The following DNAH1 variants were observed in gnomAD, a reference collection of about 807,000 sequenced individuals.
The protein encoded by DNAH1 is axonemal beta dynein heavy chain 1.
Under a neutral mutation model 484.3 loss-of-function variants are expected in DNAH1, and 327 were observed. The ratio of observed to expected loss-of-function variants is 0.68; its 90% CI spans 0.62 to 0.74. The LOEUF is 0.74. DNAH1 is among the 30% of genes least tolerant of loss of function. The pLI, the probability that DNAH1 is intolerant of heterozygous loss-of-function variation, is 0.00. For missense variants in DNAH1, 5,052 were observed against 5,546.8 expected, an observed-to-expected ratio of 0.91 and a Z score of 2.83; for synonymous variants, 2,192 against 2,191.9, an observed-to-expected ratio of 1.00 and a Z score of 0.00.
chr3:52,312,992 T>C (rs1389420086), upstream of DNAH1, among the ~76,000 whole-genome samples: 3 of 152,168 alleles, frequency 2.0e-5, no homozygotes, highest in Non-Finnish European at 2.9e-5. Context: ...TTTCACCATG[T>C]TGCCCACTGG....
chr3:52,357,864 A>T, intron 23 of DNAH1, 34 bp from the exon 24 acceptor site: 1 of 1,601,542 alleles, frequency 6.2e-7, no homozygotes, highest in Non-Finnish European at 8.5e-7. Context: ...GGGAGCCTGC[A>T]CGACCCGCTT....
chr3:52,395,198 C>A lies in DNAH1; in HGVS notation c.10969-110C>A. On this transcript the variant is annotated intron_variant, in intron 68 of 77. Transcript: ENST00000420323. The surrounding 1 kb of genome is among the most constrained non-coding windows in gnomAD (Gnocchi z 4.4). ...TCCCTAAAGGCTCTGAGGTTCCAGC[C>A]CCCACCAGGAAGCCCACTGGGGACC... The A allele has an allele frequency of 8.0e-6, 12 of 1,491,814 alleles. No individual in the cohort carries two copies. The South Asian group carries it at 1.3e-4, about 16-fold the overall frequency. The allele number at this position is 1,491,814 out of a possible 1,614,324, so 92.4% of individuals were successfully genotyped here. A position where few individuals can be genotyped will look rare whatever the true frequency, so the allele number is the denominator to read the frequency against.
intron 3 of DNAH1, 113 bp from the exon 4 acceptor site, chr3:52,326,027 C>T (rs1247281367): frequency 1.8e-6 from 2 of 1,111,318 alleles, no homozygotes; most frequent in Non-Finnish European, 1.2e-6. Flanking sequence ...AAGCTTTGAG[C>T]TTCCCACACT....
chr3:52,329,194 GC>G, intron 6 of DNAH1, among the ~76,000 whole-genome samples: 1 of 152,296 alleles, frequency 6.6e-6, no homozygotes. Flanking sequence ...CCATCGAGGT[GC>G]TCTGCTTACA....
chr3:52,346,913 T>TC, intron 11 of DNAH1, 143 bp downstream of exon 11: 1 of 867,430 alleles, frequency 1.2e-6, no homozygotes. Context: ...CCCTGCAGGC[T>TC]GCTGGGCAAT....
rs539398570 is a variant in DNAH1 at position 52,381,074 on chromosome 3, G to T, written c.7609-566G>T. On this transcript the variant is annotated intron_variant, in intron 48 of 77. Transcript: ENST00000420323. The surrounding 1 kb of genome is among the most constrained non-coding windows in gnomAD (Gnocchi z 4.1). ...GTTTAACAATATGCTTGATCCCCCC[G>T]TGGGTTTTATTTTTGCTTTTGTTTT... 3.9e-5 allele frequency among the ~76,000 whole-genome samples: 6 copies of T among 152,052 alleles called. No homozygotes were observed. Among genetic ancestry groups the T allele is most frequent in the African/African-American group, 1.4e-4 (6 of 41,404 alleles).
chr3:52,380,995 T>G (rs990838334), intron 48 of DNAH1, among the ~76,000 whole-genome samples: 1 of 152,264 alleles, frequency 6.6e-6, no homozygotes. Flanking sequence ...ATATGAGTTA[T>G]GGAGTTCACA....
intron 48 of DNAH1, among the ~76,000 whole-genome samples, chr3:52,380,565 A>C (rs2153225114): frequency 6.6e-6 from 1 of 152,334 alleles, no homozygotes; most frequent in African/African-American, 2.4e-5. Flanking sequence ...CCAGGGTCAC[A>C]GGGTCAGCAC....
intron 45 of DNAH1, among the ~76,000 whole-genome samples, chr3:52,375,712 A>C (rs1016086820): frequency 5.3e-5 from 8 of 152,138 alleles, no homozygotes; most frequent in Non-Finnish European, 7.4e-5. Context: ...ACAGATATGC[A>C]CTCACTCACA....
At chr3:52,311,748 G>A (rs899025445), upstream of DNAH1, among the ~76,000 whole-genome samples, 1 of 152,306 alleles carries the variant, frequency 6.6e-6, no homozygotes, top group South Asian at 2.1e-4. Flanking sequence ...ATGGCAACCT[G>A]GTGGGGTTGC....
rs1394708231 is a variant in DNAH1 at position 52,353,135 on chromosome 3, C to T, written c.3060C>T (p.Phe1020=). ...YDKLSRMVKE[F]QPYLDLWTTA... ...AGCTCTCCAGGATGGTGAAGGAGTT[C>T]CAACCCTACCTGGACCTTTGGACCA... is the stretch of plus-strand genomic sequence containing the variant. Residue 1020 remains phenylalanine, a synonymous_variant, in exon 19 of 78, where the codon TTC becomes TTT. Transcript: ENST00000420323. This position sits in a 1 kb window ranked among gnomAD's most constrained non-coding sequence, Gnocchi z 5.0. 6.2e-7 allele frequency: 1 copy of T among 1,613,572 alleles called. No homozygotes were observed.
At chr3:52,325,024 C>T (rs35133416) in intron 3 of DNAH1, among the ~76,000 whole-genome samples, 28,803 of 152,084 alleles carry the variant, frequency 0.19, 3,254 homozygotes, top group African/African-American at 0.31. Flanking sequence ...TGAGTGGGTC[C>T]TGGGGGTGGA....
Position 52,360,042 on chromosome 3 carries a change from G to A in DNAH1, c.4534G>A (p.Val1512Ile), listed in dbSNP as rs1395922459. The change falls in exon 27 of 78, where the codon GTC becomes ATC. Residue 1512 changes from valine to isoleucine, a missense_variant. Around this residue, in one of 4 missense-constraint regions of DNAH1, gnomAD observed 2,929 missense variants for 3,409.4 expected, o/e 0.86. Coordinates refer to ENST00000420323, the MANE Select transcript of DNAH1 (RefSeq NM_015512.5). ...GAGCAAGCTAATCCAGGAGAACGTG[G>A]TCAGCGTGAATGACTTCCAGTGGAT... ...VVSKLIQENVVSVNDFQWISQ... is the reference protein window; with the variant it reads ...VVSKLIQENVISVNDFQWISQ... 2 of 1,613,812 alleles carry A rather than the reference G, an allele frequency of 1.2e-6. No homozygotes were observed. Among genetic ancestry groups the A allele is most frequent in the African/African-American group, 1.3e-5 (1 of 74,944 alleles).
At chr3:52,359,107 C>T in intron 25 of DNAH1, 139 bp from the exon 26 acceptor site, 1 of 1,280,460 alleles carries the variant, frequency 7.8e-7, no homozygotes, top group Non-Finnish European at 1.1e-6. Flanking sequence ...AAGGGCTTCC[C>T]TGCTCTGAAG....
chr3:52,338,847 G>A (rs1286391473), intron 8 of DNAH1, among the ~76,000 whole-genome samples: 2 of 146,324 alleles, frequency 1.4e-5, no homozygotes, highest in Non-Finnish European at 3.0e-5. Flanking sequence ...TCAACATGGT[G>A]AAACCCCATC....
At position 52,381,108 on chromosome 3, in the gene DNAH1, T is replaced by C. The variant is rs573822789; in HGVS notation, c.7609-532T>C. Among the ~76,000 whole-genome samples the C allele has an allele frequency of 2.0e-5, 3 of 152,146 alleles. No homozygotes were observed. In the East Asian group the frequency reaches 5.8e-4, roughly 29 times the overall value. On this transcript the variant is annotated intron_variant, in intron 48 of 77. Transcript: ENST00000420323. This position sits in a 1 kb window ranked among gnomAD's most constrained non-coding sequence, Gnocchi z 4.1. ...ATTTTTGCTTTTGTTTTTGTTTGTG[T>C]GTGTGTGTATGTGACTGGGTCTTGC... is the stretch of plus-strand genomic sequence containing the variant.
chr3:52,373,545 A>G (rs1703450170), intron 44 of DNAH1: 3 of 1,476,618 alleles, frequency 2.0e-6, no homozygotes, highest in Non-Finnish European at 9.4e-7. Context: ...GTCTGCTAAA[A>G]TAAAAGTACC....
Position 52,353,573 on chromosome 3 carries a change from C to T in DNAH1, c.3420C>T (p.Asp1140=). 6.2e-7 allele frequency: 1 copy of T among 1,612,758 alleles called. No homozygotes were observed. The highest frequency in any genetic ancestry group is 8.5e-7 in the Non-Finnish European group (1 of 1,179,400). The stretch of plus-strand genomic sequence containing the variant: ...GCTGCCTGGAGATGAACCTGCAGGA[C>T]CATATCGAGAGCATCAGCAAGGTGG... ...FARCLEMNLQ[D]HIESISKVAE... is the part of the protein sequence containing the mutation. The change falls in exon 20 of 78, where the codon GAC becomes GAT. Residue 1140 remains aspartate (D), a synonymous_variant. Transcript: ENST00000420323. The surrounding 1 kb of genome is among the most constrained non-coding windows in gnomAD (Gnocchi z 5.0).
intron 60 of DNAH1, among the ~76,000 whole-genome samples, chr3:52,390,149 G>A (rs1704309817): frequency 6.6e-6 from 1 of 152,136 alleles, no homozygotes; most frequent in Admixed American, 6.5e-5. Flanking sequence ...GTGTTGGGTG[G>A]AGGTTGAGAA....
Sources: allele counts gnomAD v4.1 joint callset (sites outside exome capture counted in the v4.1 genomes callset), GRCh38; gene constraint gnomAD v4.1.1; regional missense constraint gnomAD v4.1.1; non-coding constraint Gnocchi (gnomAD v3.1); transcripts MANE v1.5; gene names NCBI Gene and HGNC (gene_info 2026-07-23, HGNC 2026-07-21).